Variants in NLGN1 observed in about 807,000 individuals in gnomAD.
NLGN1 encodes neuroligin 1.
A neutral mutation model predicts 65.5 loss-of-function variants in NLGN1; 12 were observed. The ratio of observed to expected loss-of-function variants is 0.18; its 90% CI spans 0.12 to 0.30. NLGN1 has a LOEUF of 0.30. Among genes scored for constraint, NLGN1 ranks in the 10% least tolerant of loss-of-function variants. The pLI, the probability that NLGN1 is intolerant of heterozygous loss-of-function variation, is 1.00. For synonymous variants in NLGN1, 350 were observed against 359.5 expected, an observed-to-expected ratio of 0.97 and a Z score of 0.30; for missense variants, 750 against 1,007.1, an observed-to-expected ratio of 0.74 and a Z score of 3.46.
chr3:173,397,362 C>T (rs888678636), upstream of NLGN1, among the ~76,000 whole-genome samples: 6 of 152,206 alleles, frequency 3.9e-5, no homozygotes, highest in South Asian at 1.2e-3. Flanking sequence ...TGTTTAACTC[C>T]CGTTCAAGGG....
At chr3:174,053,440 A>G (rs191305249) in intron 4 of NLGN1, among the ~76,000 whole-genome samples, 1 of 152,154 alleles carries the variant, frequency 6.6e-6, no homozygotes, top group Non-Finnish European at 1.5e-5. Flanking sequence ...GACTATCTAT[A>G]CAGTTTTGAC....
chr3:173,819,499 C>T (rs1719753240), intron 4 of NLGN1, among the ~76,000 whole-genome samples: 1 of 152,184 alleles, frequency 6.6e-6, no homozygotes, highest in South Asian at 2.1e-4. Flanking sequence ...TTCAGGCAGG[C>T]CATGCTAGAC....
chr3:173,927,629 G>T (rs1001594093), intron 4 of NLGN1, among the ~76,000 whole-genome samples: 10 of 152,222 alleles, frequency 6.6e-5, no homozygotes, highest in South Asian at 2.1e-4. Flanking sequence ...TCCCTGGAAA[G>T]TTAGCATTTG....
chr3:173,515,794 A>G (rs1224981961), intron 2 of NLGN1, among the ~76,000 whole-genome samples: 1 of 151,948 alleles, frequency 6.6e-6, no homozygotes, highest in Non-Finnish European at 1.5e-5. Context: ...TTTTATTTTT[A>G]TACTCGTAGC....
intron 3 of NLGN1, among the ~76,000 whole-genome samples, chr3:173,719,918 C>T (rs1049476900): frequency 5.3e-5 from 8 of 151,908 alleles, no homozygotes; most frequent in Non-Finnish European, 1.2e-4. Flanking sequence ...AGTTTCAGAC[C>T]AGCCTGGACA....
intron 3 of NLGN1, among the ~76,000 whole-genome samples, chr3:173,747,253 A>G (rs9799055): frequency 6.9e-6 from 1 of 145,866 alleles, no homozygotes; most frequent in South Asian, 2.1e-4. Context: ...AAGTATATAT[A>G]TTTAAATATA....
intron 4 of NLGN1, among the ~76,000 whole-genome samples, chr3:173,940,808 G>A (rs913178550): frequency 5.3e-5 from 8 of 152,136 alleles, no homozygotes; most frequent in South Asian, 4.2e-4. Flanking sequence ...GAATATCTAC[G>A]TGCATTTGCC....
intron 3 of NLGN1, among the ~76,000 whole-genome samples, chr3:173,668,815 G>A (rs1762072846): frequency 6.6e-6 from 1 of 151,760 alleles, no homozygotes; most frequent in African/African-American, 2.4e-5. Flanking sequence ...GTAGAGACGG[G>A]GTTTCACCAT....
At chr3:174,018,582 C>G (rs1198766374) in intron 4 of NLGN1, among the ~76,000 whole-genome samples, 1 of 152,170 alleles carries the variant, frequency 6.6e-6, no homozygotes, top group African/African-American at 2.4e-5. Context: ...CTTCCTGCAA[C>G]AGGTTCTACA....
At chr3:173,456,593 C>T (rs530396904) in intron 2 of NLGN1, among the ~76,000 whole-genome samples, 1 of 152,258 alleles carries the variant, frequency 6.6e-6, no homozygotes, top group East Asian at 1.9e-4. Context: ...CCAATTAGCA[C>T]ATTCAGGAGT....
chr3:174,131,914 A>G (rs2152672690), intron 4 of NLGN1, among the ~76,000 whole-genome samples: 1 of 152,320 alleles, frequency 6.6e-6, no homozygotes, highest in East Asian at 1.9e-4. Flanking sequence ...CTTTCAGAAA[A>G]GTGTTCACAG....
chr3:173,482,680 C>CAGAG lies in NLGN1; in HGVS notation c.-321+47607_-321+47610dup, dbSNP rs571155277. Among the ~76,000 whole-genome samples the CAGAG allele has an allele frequency of 4.0e-3, 607 of 151,776 alleles. 3 individuals carry two copies. Among genetic ancestry groups the CAGAG allele is most frequent in the African/African-American group, 0.014 (582 of 41,438 alleles). ...TCATTCTGAGACGATGACAGTTGGG[C>CAGAG]AGAGAGAGCTGAGTGAAGTGAGGGA... On this transcript the variant is annotated intron_variant, in intron 2 of 6. Coordinates refer to ENST00000457714, the Ensembl canonical transcript of NLGN1.
intron 2 of NLGN1, among the ~76,000 whole-genome samples, chr3:173,575,320 G>A (rs1420898591): frequency 6.6e-6 from 1 of 152,180 alleles, no homozygotes; most frequent in African/African-American, 2.4e-5. Flanking sequence ...ATGGAATCTT[G>A]TTTGAAAACC....
intron 3 of NLGN1, among the ~76,000 whole-genome samples, chr3:173,721,041 T>C (rs1770754455): frequency 6.6e-6 from 1 of 152,190 alleles, no homozygotes; most frequent in African/African-American, 2.4e-5. Flanking sequence ...AGGCTCTGCT[T>C]TTTATTATTT....
chr3:173,541,190 A>G (rs1738801699), intron 2 of NLGN1, among the ~76,000 whole-genome samples: 1 of 152,194 alleles, frequency 6.6e-6, no homozygotes, highest in African/African-American at 2.4e-5. Context: ...ATAGAGTGCT[A>G]AAAAGGAGAA....
At chr3:173,942,186 T>TATACACATGTGCATATATAC (rs1746270731) in intron 4 of NLGN1, among the ~76,000 whole-genome samples, 2 of 151,842 alleles carry the variant, frequency 1.3e-5, no homozygotes, top group Non-Finnish European at 2.9e-5. Context: ...TGTATATATA[T>TATACACATGTGCATATATAC]ATACACATGT....
At chr3:173,564,565 C>A (rs1052198890) in intron 2 of NLGN1, among the ~76,000 whole-genome samples, 1 of 152,086 alleles carries the variant, frequency 6.6e-6, no homozygotes. Context: ...CATGTAAGAT[C>A]CAGTGTAGAA....
At chr3:174,275,554 C>T in intron 5 of NLGN1, 27 bp downstream of exon 5, 1 of 1,526,212 alleles carries the variant, frequency 6.6e-7, no homozygotes. Flanking sequence ...CAAATTTTGA[C>T]AATTTTGGTG....
At chr3:173,944,126 TGTGTGTGTG>T (rs1746710046) in intron 4 of NLGN1, among the ~76,000 whole-genome samples, 2 of 124,480 alleles carry the variant, frequency 1.6e-5, no homozygotes, top group African/African-American at 2.6e-5. Flanking sequence ...ATATTATGGG[TGTGTGTGTG>T]TGTGTGTGTG....
Sources: allele counts gnomAD v4.1 joint callset (sites outside exome capture counted in the v4.1 genomes callset), GRCh38; gene constraint gnomAD v4.1.1; transcripts MANE v1.5; gene names NCBI Gene and HGNC (gene_info 2026-07-23, HGNC 2026-07-21).